The following TXNDC8 variants were observed in gnomAD, a reference collection of about 807,000 sequenced individuals.
TXNDC8 encodes the protein thioredoxin domain containing 8, also known as thioredoxin domain-containing protein 8.
A neutral mutation model predicts 12.9 loss-of-function variants in TXNDC8; 15 were observed. The observed-to-expected ratio is 1.16, with a 90% CI of 0.78 to 1.79. The LOEUF (loss-of-function observed/expected upper bound fraction) is 1.79. Among genes scored for constraint, TXNDC8 ranks in the 40% most tolerant of loss-of-function variants. The pLI is 0.00. For missense variants in TXNDC8, 128 were observed against 113.2 expected (o/e 1.13, Z -0.59); for synonymous variants, 40 against 35.4 (o/e 1.13, Z -0.46).
downstream of TXNDC8, among the ~76,000 whole-genome samples, chr9:110,303,101 A>G (rs1298727260): frequency 6.6e-6 from 1 of 152,100 alleles, no homozygotes; most frequent in African/African-American, 2.4e-5. Context: ...ATTTTGTACC[A>G]TAAGAAATGG....
At chr9:110,307,116 T>C (rs1277658513) in intron 3 of TXNDC8, among the ~76,000 whole-genome samples, 3 of 151,826 alleles carry the variant, frequency 2.0e-5, no homozygotes, top group African/African-American at 7.3e-5. Flanking sequence ...TTTTTTTTTT[T>C]TTAATTTTTA....
chr9:110,327,633 T>C (rs1326891512), intron 2 of TXNDC8, among the ~76,000 whole-genome samples: 2 of 152,166 alleles, frequency 1.3e-5, no homozygotes, highest in Non-Finnish European at 2.9e-5. Flanking sequence ...AAAGTACTGA[T>C]ACATTCTATA....
rs770716781 is a variant in TXNDC8 at position 110,334,258 on chromosome 9, C to A, written c.87G>T (p.Ser29=). 6.2e-7 allele frequency: 1 copy of A among 1,613,810 alleles called. No individual in the cohort carries two copies. The highest frequency in any genetic ancestry group is 1.6e-4 in the Middle Eastern group (1 of 6,062). ...TCCTTTTGCAGGGACCACACCGTTT[C>A]GAAGAAAATTGAACCACTGCGAGTT... Residue 29 remains serine (S), a synonymous_variant, in exon 2 of 5, where the codon TCG becomes TCT. Transcript: ENST00000423740.
intron 3 of TXNDC8, among the ~76,000 whole-genome samples, chr9:110,308,520 T>C (rs1208561275): frequency 5.3e-5 from 8 of 152,114 alleles, no homozygotes; most frequent in African/African-American, 9.7e-5. Context: ...AGATTTGACC[T>C]ACTCTACCTG....
At chr9:110,326,264 G>T in intron 2 of TXNDC8, 24 bp from the exon 4 acceptor site, 2 of 1,613,342 alleles carry the variant, frequency 1.2e-6, no homozygotes, top group South Asian at 1.1e-5. Context: ...GAAATGGCAT[G>T]AAGTTACAGT....
intron 2 of TXNDC8, 55 bp downstream of exon 3, chr9:110,329,177 C>A (rs1839454301): frequency 2.1e-6 from 3 of 1,449,612 alleles, no homozygotes; most frequent in South Asian, 1.2e-5. Context: ...CAGTGCTATT[C>A]AATTACAATG....
At chr9:110,322,997 G>A (rs1839169488) in intron 3 of TXNDC8, 2 of 985,346 alleles carry the variant, frequency 2.0e-6, no homozygotes, top group Non-Finnish European at 2.4e-6. Context: ...CAGTAGATTG[G>A]GTCAAAATTA....
intron 3 of TXNDC8, 93 bp downstream of exon 4, chr9:110,326,082 T>C (rs984576267): frequency 2.5e-6 from 3 of 1,218,248 alleles, no homozygotes; most frequent in Non-Finnish European, 3.6e-6. Context: ...ATAAATGTAG[T>C]TATTTCATCC....
chr9:110,319,572 T>C (rs1839015254), intron 3 of TXNDC8, among the ~76,000 whole-genome samples: 2 of 152,206 alleles, frequency 1.3e-5, no homozygotes, highest in South Asian at 4.1e-4. Context: ...GAGGCAGACC[T>C]GGGGCTCAAC....
At chr9:110,318,959 C>T (rs988133120) in intron 3 of TXNDC8, among the ~76,000 whole-genome samples, 3 of 152,156 alleles carry the variant, frequency 2.0e-5, no homozygotes, top group Admixed American at 6.5e-5. Flanking sequence ...CACATGTGAG[C>T]CTTTGAACTG....
At chr9:110,308,670 T>C (rs1838549317) in intron 3 of TXNDC8, among the ~76,000 whole-genome samples, 1 of 145,664 alleles carries the variant, frequency 6.9e-6, no homozygotes, top group Non-Finnish European at 1.5e-5. Flanking sequence ...TTCCTGTCTT[T>C]AAAAAAAAAA....
chr9:110,301,655 G>A (rs1457561993), downstream of TXNDC8, among the ~76,000 whole-genome samples: 2 of 152,118 alleles, frequency 1.3e-5, no homozygotes, highest in African/African-American at 2.4e-5. Context: ...GTTATTGGCA[G>A]GGACTACTTT....
At position 110,337,793 on chromosome 9, in the gene TXNDC8, C is replaced by T. The variant is rs895309277; in HGVS notation, c.4G>A (p.Val2Ile). ...CTTGCCGTGTCTTTAATAATCTGTA[C>T]CATGATTACACCAGGGAAGTGCTGA... The change falls in exon 1 of 5, where the codon GTA (valine) becomes ATA (isoleucine). Residue 2 changes from valine (V) to isoleucine (I), a missense_variant. Val to Ile is a conservative substitution (Grantham distance 29). Coordinates refer to ENST00000423740, the MANE Select transcript of TXNDC8 (RefSeq NM_001286946.2). The T allele has an allele frequency of 5.0e-6, 8 of 1,613,724 alleles. No homozygotes were observed. The highest frequency in any genetic ancestry group is 1.3e-5 in the African/African-American group (1 of 74,900).
At position 110,326,174 on chromosome 9, in the gene TXNDC8, C is replaced by A; in HGVS notation, c.195+1G>T. The A allele has an allele frequency of 6.2e-7, 1 of 1,614,038 alleles. No homozygotes were observed. Among genetic ancestry groups the A allele is most frequent in the Non-Finnish European group, 8.5e-7 (1 of 1,179,930 alleles). On this transcript the variant is annotated splice_donor_variant, in intron 3 of 4. Transcript: ENST00000423740. LOFTEE classifies it high-confidence loss of function. ...CCCTGCTGGTTACCCTGGAAACATA[C>A]CTTCTGGCTTTTCTTGAACATCTGA...
At chr9:110,326,696 C>A (rs1839331411) in intron 2 of TXNDC8, among the ~76,000 whole-genome samples, 1 of 152,174 alleles carries the variant, frequency 6.6e-6, no homozygotes, top group Admixed American at 6.5e-5. Flanking sequence ...AAGGCTTATA[C>A]ATGTCTTTCT....
chr9:110,332,158 A>C (rs1189875938), intron 2 of TXNDC8, among the ~76,000 whole-genome samples: 1 of 152,328 alleles, frequency 6.6e-6, no homozygotes, highest in East Asian at 1.9e-4. Flanking sequence ...CCTCTTTCCT[A>C]AGTCTTGAGT....
In TXNDC8 at chr9:110,332,385, C is replaced by T. The variant is rs547223061; in HGVS notation, c.129+1831G>A. On this transcript the variant is annotated intron_variant, in intron 2 of 4. Transcript: ENST00000423740. ...TTCTAGATATTCTAAGAATTTTAGG[C>T]GGATAAGGGATGTTGTGATGTTATG... Among the ~76,000 whole-genome samples the T allele has an allele frequency of 1.9e-4, 29 of 152,094 alleles. No homozygotes were observed. In the South Asian group the frequency reaches 3.7e-3, roughly 20 times the overall value.
intron 1 of TXNDC8, among the ~76,000 whole-genome samples, chr9:110,335,137 A>G (rs968165524): frequency 1.3e-5 from 2 of 152,260 alleles, no homozygotes; most frequent in Admixed American, 1.3e-4. Flanking sequence ...TTTAATCTTG[A>G]TTCATTCCTG....
At chr9:110,324,057 C>T in intron 3 of TXNDC8, 1 of 1,535,468 alleles carries the variant, frequency 6.5e-7, no homozygotes, top group Non-Finnish European at 8.8e-7. Context: ...GGAGGAAAAT[C>T]AGAGTACTAT....
Sources: allele counts gnomAD v4.1 joint callset (sites outside exome capture counted in the v4.1 genomes callset), GRCh38; gene constraint gnomAD v4.1.1; transcripts MANE v1.5; gene names NCBI Gene and HGNC (gene_info 2026-07-23, HGNC 2026-07-21).